The following RELN variants were observed in gnomAD, a reference collection of about 807,000 sequenced individuals.
RELN encodes reelin.
Under a neutral mutation model 427.6 loss-of-function variants are expected in RELN, and 108 were observed. The observed-to-expected ratio is 0.25, with a 90% CI of 0.22 to 0.30. RELN has a LOEUF of 0.30. Among genes scored for constraint, RELN ranks in the 10% least tolerant of loss-of-function variants. The pLI, the probability that RELN is intolerant of heterozygous loss-of-function variation, is 1.00. For synonymous variants in RELN, 1,524 were observed against 1,513.4 expected (o/e 1.01, Z -0.16); for missense variants, 3,715 against 4,302.8 (o/e 0.86, Z 3.82).
chr7:103,755,176 C>T (rs1346008004), intron 4 of RELN, among the ~76,000 whole-genome samples: 1 of 152,058 alleles, frequency 6.6e-6, no homozygotes, highest in Admixed American at 6.6e-5. Context: ...ATGATAGTGG[C>T]CGGGCCCGGT....
chr7:103,826,911 G>C (rs556796802), intron 3 of RELN, among the ~76,000 whole-genome samples: 17 of 151,340 alleles, frequency 1.1e-4, no homozygotes, highest in African/African-American at 3.4e-4. Flanking sequence ...TGGATACCAA[G>C]TTCAGTCCAT....
chr7:103,890,805 C>T (rs1296748073), intron 2 of RELN, among the ~76,000 whole-genome samples: 2 of 152,256 alleles, frequency 1.3e-5, no homozygotes, highest in African/African-American at 2.4e-5. Flanking sequence ...TGTCCAGGCA[C>T]GATGGCCCAC....
intron 40 of RELN, 52 bp from the exon 41 acceptor site, chr7:103,551,348 G>A (rs1465910038): frequency 7.9e-7 from 1 of 1,264,624 alleles, no homozygotes; most frequent in African/African-American, 1.5e-5. Context: ...AACAAGCCTT[G>A]AAATGATTCA....
chr7:103,972,272 G>A (rs1796779245), intron 1 of RELN, among the ~76,000 whole-genome samples: 2 of 152,136 alleles, frequency 1.3e-5, no homozygotes, highest in South Asian at 4.1e-4. Flanking sequence ...AAAGCTGACT[G>A]TGGTAGGTAT....
At chr7:103,875,525 T>A (rs1794458044) in intron 2 of RELN, among the ~76,000 whole-genome samples, 1 of 152,140 alleles carries the variant, frequency 6.6e-6, no homozygotes, top group African/African-American at 2.4e-5. Context: ...ACATTAAATA[T>A]AGGTTGGCAC....
intron 8 of RELN, among the ~76,000 whole-genome samples, chr7:103,718,496 G>C (rs994037408): frequency 1.3e-5 from 2 of 152,234 alleles, no homozygotes; most frequent in African/African-American, 4.8e-5. Context: ...ACTTGCATAT[G>C]TATTTCTGTC....
chr7:103,472,402 C>A lies in RELN; in HGVS notation c.*410G>T. On this transcript the variant is annotated 3_prime_UTR_variant, in exon 65 of 65. Coordinates refer to ENST00000428762, the MANE Select transcript of RELN (RefSeq NM_005045.4). ...ACAATGATAATTTAATCATATAAAA[C>A]ATGAGACATAGCCGAAATACAGTCC... 2 of 238,276 alleles carry A rather than the reference C, an allele frequency of 8.4e-6. No individual in the cohort carries two copies. The highest frequency in any genetic ancestry group is 1.1e-4 in the East Asian group (1 of 9,320). The allele number at this position is 238,276 out of a possible 1,614,324, so 14.8% of individuals were successfully genotyped here.
At chr7:103,538,597 G>A (rs574254093) in intron 45 of RELN, among the ~76,000 whole-genome samples, 1 of 152,188 alleles carries the variant, frequency 6.6e-6, no homozygotes, top group East Asian at 1.9e-4. Flanking sequence ...CATTTGGGGG[G>A]ATATAGAGAG....
intron 2 of RELN, among the ~76,000 whole-genome samples, chr7:103,855,043 C>T (rs572852368): frequency 7.2e-5 from 11 of 152,194 alleles, no homozygotes; most frequent in African/African-American, 2.4e-4. Context: ...ATGAATGTAT[C>T]AAATGAATAT....
chr7:103,611,095 C>T (rs918070502), intron 21 of RELN, among the ~76,000 whole-genome samples: 2 of 152,142 alleles, frequency 1.3e-5, no homozygotes, highest in African/African-American at 4.8e-5. Flanking sequence ...TGTTTTTAGG[C>T]CTGTTATCGT....
At chr7:103,653,842 G>A (rs1434485301) in intron 13 of RELN, among the ~76,000 whole-genome samples, 1 of 152,084 alleles carries the variant, frequency 6.6e-6, no homozygotes, top group African/African-American at 2.4e-5. Context: ...AACTGTCAGA[G>A]TATTGGGTTC....
intron 2 of RELN, among the ~76,000 whole-genome samples, chr7:103,891,471 A>G (rs1012543136): frequency 6.6e-6 from 1 of 152,142 alleles, no homozygotes; most frequent in African/African-American, 2.4e-5. Context: ...CCCGTCTAGC[A>G]TAACCCCTAC....
intron 57 of RELN, among the ~76,000 whole-genome samples, chr7:103,493,576 T>C (rs779064201): frequency 6.6e-6 from 1 of 152,126 alleles, no homozygotes; most frequent in Non-Finnish European, 1.5e-5. Flanking sequence ...AGCTAGATGA[T>C]TGGATACAAT....
At chr7:103,808,407 A>G (rs1792653146) in intron 3 of RELN, among the ~76,000 whole-genome samples, 1 of 152,072 alleles carries the variant, frequency 6.6e-6, no homozygotes, top group Non-Finnish European at 1.5e-5. Context: ...AACTTAAAGT[A>G]TAATAATAGA....
chr7:103,549,720 C>A (rs1469545944), intron 41 of RELN, among the ~76,000 whole-genome samples: 1 of 152,292 alleles, frequency 6.6e-6, no homozygotes, highest in East Asian at 1.9e-4. Context: ...TTGCTAAGTC[C>A]CCCACACTTT....
At position 103,488,756 on chromosome 7, in the gene RELN, G is replaced by T. The variant is rs142823753; in HGVS notation, c.9763+986C>A. On this transcript the variant is annotated intron_variant, in intron 60 of 64. Transcript: ENST00000428762. ...GTGGTCTTTCTGATATATGCTGGCT[G>T]TGTGACCTTAGGCAGGTCATTTAGC... is the stretch of plus-strand genomic sequence containing the variant. Among the ~76,000 whole-genome samples the T allele has an allele frequency of 7.9e-4, 120 of 152,332 alleles. 2 individuals are homozygous for T. In the East Asian group the frequency reaches 0.022, roughly 28 times the overall value.
chr7:103,877,710 G>A (rs377717317), intron 2 of RELN, among the ~76,000 whole-genome samples: 1 of 151,792 alleles, frequency 6.6e-6, no homozygotes, highest in Non-Finnish European at 1.5e-5. Flanking sequence ...TTTTTCTCAG[G>A]ACTCCATCTT....
chr7:103,644,993 A>C (rs568763091), intron 16 of RELN, among the ~76,000 whole-genome samples: 1 of 151,930 alleles, frequency 6.6e-6, no homozygotes, highest in East Asian at 1.9e-4. Flanking sequence ...CTAAAGAAAA[A>C]AACTATTAAC....
intron 50 of RELN, chr7:103,513,124 G>A (rs976635185): frequency 2.6e-5 from 4 of 152,162 alleles, no homozygotes; most frequent in Admixed American, 6.5e-5. Flanking sequence ...AGAATACTCT[G>A]AGCCAGTTTA....
Sources: allele counts gnomAD v4.1 joint callset (sites outside exome capture counted in the v4.1 genomes callset), GRCh38; gene constraint gnomAD v4.1.1; transcripts MANE v1.5; gene names NCBI Gene and HGNC (gene_info 2026-07-23, HGNC 2026-07-21).